The following MACROD2 variants were observed in gnomAD, a reference collection of about 807,000 sequenced individuals.
The protein encoded by MACROD2 is ADP-ribose glycohydrolase MACROD2.
MACROD2 carries 36 observed loss-of-function variants against 70.4 expected under a neutral mutation model. The observed-to-expected ratio is 0.51, with a 90% CI of 0.39 to 0.68. The LOEUF (loss-of-function observed/expected upper bound fraction) is 0.68, where lower values mean the gene tolerates loss of function less well. Ranked by LOEUF, MACROD2 falls within the 30% of genes least tolerant of loss-of-function variation. The pLI is 0.00. For synonymous variants in MACROD2, 172 were observed against 178.8 expected (o/e 0.96, Z 0.30); for missense variants, 496 against 538.4 (o/e 0.92, Z 0.78).
chr20:14,242,515 A>G (rs1395578036), intron 3 of MACROD2, among the ~76,000 whole-genome samples: 1 of 152,190 alleles, frequency 6.6e-6, no homozygotes, highest in Non-Finnish European at 1.5e-5. Flanking sequence ...GACCACATAT[A>G]TTCACAGCAT....
At chr20:15,350,753 A>G (rs777032177) in intron 6 of MACROD2, among the ~76,000 whole-genome samples, 3 of 152,186 alleles carry the variant, frequency 2.0e-5, no homozygotes, top group Non-Finnish European at 4.4e-5. Context: ...GAATTTCTAA[A>G]TAGTTTTCAT....
At chr20:15,228,664 A>G (rs1175664368) in intron 5 of MACROD2, among the ~76,000 whole-genome samples, 1 of 151,294 alleles carries the variant, frequency 6.6e-6, no homozygotes, top group Non-Finnish European at 1.5e-5. Flanking sequence ...TAATTTTTGT[A>G]TTTTTAGTAG....
At chr20:14,097,984 G>A (rs1392736248) in intron 3 of MACROD2, among the ~76,000 whole-genome samples, 2 of 152,098 alleles carry the variant, frequency 1.3e-5, no homozygotes, top group African/African-American at 2.4e-5. Flanking sequence ...AGAGCATTTC[G>A]GATATTGGAT....
At chr20:15,116,877 G>A (rs918809684) in intron 5 of MACROD2, among the ~76,000 whole-genome samples, 22 of 152,138 alleles carry the variant, frequency 1.4e-4, no homozygotes, top group African/African-American at 5.1e-4. Flanking sequence ...CAGGGTATCG[G>A]TGTCCTTAAC....
At chr20:14,632,773 C>A (rs899781268) in intron 4 of MACROD2, among the ~76,000 whole-genome samples, 3 of 151,956 alleles carry the variant, frequency 2.0e-5, no homozygotes, top group Non-Finnish European at 4.4e-5. Context: ...AACTTTGTGA[C>A]AAAAAATGAT....
intron 5 of MACROD2, among the ~76,000 whole-genome samples, chr20:15,120,101 A>T (rs970225670): frequency 6.6e-6 from 1 of 152,216 alleles, no homozygotes; most frequent in Non-Finnish European, 1.5e-5. Context: ...TTAATGACAG[A>T]CACATCCTAA....
chr20:14,348,527 T>A (rs1268841184), intron 3 of MACROD2, among the ~76,000 whole-genome samples: 1 of 152,028 alleles, frequency 6.6e-6, no homozygotes, highest in Non-Finnish European at 1.5e-5. Context: ...AACTTGTCTT[T>A]TATGAACAAC....
chr20:14,470,773 C>G (rs895009266), intron 3 of MACROD2, among the ~76,000 whole-genome samples: 2 of 152,142 alleles, frequency 1.3e-5, no homozygotes, highest in Admixed American at 6.6e-5. Context: ...CGCCCCTTCC[C>G]CCACCAAGCT....
intron 5 of MACROD2, among the ~76,000 whole-genome samples, chr20:14,721,923 T>C (rs1263372078): frequency 6.6e-6 from 1 of 152,148 alleles, no homozygotes; most frequent in African/African-American, 2.4e-5. Flanking sequence ...TGGTAGAAAT[T>C]ATATAGACTT....
chr20:15,658,392 A>G (rs867650148), intron 8 of MACROD2, among the ~76,000 whole-genome samples: 2 of 152,100 alleles, frequency 1.3e-5, no homozygotes, highest in African/African-American at 4.8e-5. Flanking sequence ...GAAAGCATAG[A>G]TTGCTGGCTG....
intron 4 of MACROD2, among the ~76,000 whole-genome samples, chr20:14,609,051 G>A (rs539049574): frequency 6.6e-4 from 101 of 152,224 alleles, no homozygotes; most frequent in Non-Finnish European, 1.3e-3. Flanking sequence ...ATGTGCCACA[G>A]AAAGCTGATT....
At chr20:15,133,905 C>CTTTT (rs11467185) in intron 5 of MACROD2, among the ~76,000 whole-genome samples, 5 of 111,294 alleles carry the variant, frequency 4.5e-5, no homozygotes, top group African/African-American at 7.1e-5. Context: ...TTTAAATAAT[C>CTTTT]TTTTTTTTTT....
chr20:15,494,371 TG>T (rs1332171877), intron 7 of MACROD2, among the ~76,000 whole-genome samples: 18 of 151,488 alleles, frequency 1.2e-4, no homozygotes, highest in Admixed American at 1.2e-3. Context: ...AAGACATGTA[TG>T]AGAATGTTCA....
intron 5 of MACROD2, among the ~76,000 whole-genome samples, chr20:15,153,794 C>T (rs1409707364): frequency 1.3e-5 from 2 of 152,100 alleles, no homozygotes; most frequent in East Asian, 1.9e-4. Flanking sequence ...GCTTCTGGGG[C>T]ATTGGTCACA....
At chr20:15,964,319 T>G (rs2066107205) in intron 12 of MACROD2, among the ~76,000 whole-genome samples, 1 of 152,110 alleles carries the variant, frequency 6.6e-6, no homozygotes, top group Admixed American at 6.6e-5. Context: ...GGCTGGGAAA[T>G]CAAAGATCAA....
At chr20:15,875,368 A>G (rs2064653578) in intron 9 of MACROD2, among the ~76,000 whole-genome samples, 1 of 152,142 alleles carries the variant, frequency 6.6e-6, no homozygotes, top group Non-Finnish European at 1.5e-5. Flanking sequence ...AAAAGAATTC[A>G]GTATTTTCTT....
At chr20:15,067,114 T>C (rs1172053424) in intron 5 of MACROD2, among the ~76,000 whole-genome samples, 5 of 152,082 alleles carry the variant, frequency 3.3e-5, no homozygotes, top group Non-Finnish European at 7.4e-5. Context: ...ATTCCGATAA[T>C]GTAGAGAAAG....
chr20:16,018,560 CCCCA>C (rs1235180077), intron 15 of MACROD2, among the ~76,000 whole-genome samples: 3 of 152,168 alleles, frequency 2.0e-5, no homozygotes, highest in African/African-American at 7.2e-5. Context: ...CTTCCATCTT[CCCCA>C]CCAAAATTAT....
intron 8 of MACROD2, among the ~76,000 whole-genome samples, chr20:15,826,833 G>A (rs796874181): frequency 1.1e-4 from 16 of 152,188 alleles, no homozygotes; most frequent in African/African-American, 3.9e-4. Flanking sequence ...TGTTTGCTAC[G>A]GTCCTTCTAA....
Sources: allele counts gnomAD v4.1 joint callset (sites outside exome capture counted in the v4.1 genomes callset), GRCh38; gene constraint gnomAD v4.1.1; transcripts MANE v1.5; gene names NCBI Gene and HGNC (gene_info 2026-07-23, HGNC 2026-07-21).